INSC: variants seen among roughly 807,000 people sequenced by gnomAD.
INSC encodes INSC spindle orientation adaptor protein, also known as protein inscuteable homolog.
INSC carries 67 observed loss-of-function variants against 58.6 expected under a neutral mutation model. That is an observed-to-expected ratio of 1.14 (90% CI 0.94 to 1.40). The LOEUF is 1.40. Among genes scored for constraint, INSC ranks in the 40% most tolerant of loss-of-function variants. The pLI is 0.00. For synonymous variants in INSC, 262 were observed against 276.1 expected (o/e 0.95, Z 0.51); for missense variants, 714 against 692.0 (o/e 1.03, Z -0.36).
chr11:15,210,430 T>C (rs987066413), intron 7 of INSC, among the ~76,000 whole-genome samples: 3 of 151,680 alleles, frequency 2.0e-5, no homozygotes, highest in African/African-American at 7.3e-5. Flanking sequence ...GTTGAGTGGG[T>C]GGTGTTCTTC....
the INSC span, among the ~76,000 whole-genome samples, chr11:15,254,920 A>T: frequency 6.6e-6 from 1 of 152,192 alleles, no homozygotes; most frequent in Non-Finnish European, 1.5e-5. Flanking sequence ...AAGAAATAAC[A>T]CGTACTATTA....
At chr11:15,116,150 C>T (rs932426719) in intron 1 of INSC, among the ~76,000 whole-genome samples, 3 of 152,180 alleles carry the variant, frequency 2.0e-5, no homozygotes, top group African/African-American at 7.2e-5. Context: ...ACTGTTCGCC[C>T]TTTTAGAAGT....
chr11:15,112,591 A>AGT (rs375142839), upstream of INSC: 1,551 of 367,118 alleles, frequency 4.2e-3, 7 homozygotes, highest in African/African-American at 0.011. Context: ...GGTGGATGTG[A>AGT]GTGTGTGTGT....
chr11:15,147,985 T>G (rs1781464725), intron 1 of INSC, among the ~76,000 whole-genome samples: 2 of 152,222 alleles, frequency 1.3e-5, no homozygotes, highest in African/African-American at 4.8e-5. Flanking sequence ...GGCTTATTCA[T>G]GGGCTTGGGG....
intron 5 of INSC, among the ~76,000 whole-genome samples, chr11:15,182,666 T>C (rs1239443061): frequency 6.6e-6 from 1 of 152,242 alleles, no homozygotes; most frequent in Non-Finnish European, 1.5e-5. Flanking sequence ...GATTTGGGCT[T>C]CTTGAAGTGA....
chr11:15,265,501 T>A, the INSC span, among the ~76,000 whole-genome samples: 1 of 152,000 alleles, frequency 6.6e-6, no homozygotes, highest in East Asian at 1.9e-4. Context: ...TCACCTTTTT[T>A]TTTTCTAGAG....
intron 9 of INSC, among the ~76,000 whole-genome samples, chr11:15,231,464 C>A (rs2133960069): frequency 6.6e-6 from 1 of 152,278 alleles, no homozygotes; most frequent in South Asian, 2.1e-4. Context: ...TGTGTTGGGC[C>A]ACATTCAAAG....
intron 2 of INSC, among the ~76,000 whole-genome samples, chr11:15,159,619 G>GT (rs1158852158): frequency 6.6e-6 from 1 of 152,220 alleles, no homozygotes; most frequent in Non-Finnish European, 1.5e-5. Context: ...GCCTAAAGCA[G>GT]TTTAACATAA....
chr11:15,226,673 C>T (rs1277566685), intron 9 of INSC, among the ~76,000 whole-genome samples: 1 of 152,178 alleles, frequency 6.6e-6, no homozygotes, highest in Non-Finnish European at 1.5e-5. Flanking sequence ...CTCTTCCAGG[C>T]TTATCTCTTA....
intron 1 of INSC, among the ~76,000 whole-genome samples, chr11:15,143,196 C>T (rs1440512162): frequency 6.6e-6 from 1 of 152,260 alleles, no homozygotes; most frequent in Non-Finnish European, 1.5e-5. Flanking sequence ...TTATTAAGCC[C>T]CTAATGTTAC....
chr11:15,199,202 T>C (rs1850484512), intron 6 of INSC, among the ~76,000 whole-genome samples: 1 of 152,238 alleles, frequency 6.6e-6, no homozygotes, highest in South Asian at 2.1e-4. Flanking sequence ...ATTAACATTT[T>C]TGAATGCACG....
At chr11:15,117,220 G>A (rs1434578885) in intron 1 of INSC, among the ~76,000 whole-genome samples, 3 of 151,936 alleles carry the variant, frequency 2.0e-5, no homozygotes, top group Non-Finnish European at 4.4e-5. Flanking sequence ...GGGATAACAG[G>A]TGTGAGCCAC....
At chr11:15,210,672 G>C (rs1388753669) in intron 7 of INSC, among the ~76,000 whole-genome samples, 2 of 152,062 alleles carry the variant, frequency 1.3e-5, no homozygotes, top group African/African-American at 4.8e-5. Flanking sequence ...CTGTTGCTGG[G>C]GAGAAGGGAG....
chr11:15,228,546 C>T (rs1851728257), intron 9 of INSC, among the ~76,000 whole-genome samples: 1 of 152,182 alleles, frequency 6.6e-6, no homozygotes, highest in Admixed American at 6.5e-5. Flanking sequence ...TGGCTCTTTC[C>T]TGTTGCAGTG....
chr11:15,144,419 TG>T (rs1447797214), intron 1 of INSC, among the ~76,000 whole-genome samples: 1 of 152,212 alleles, frequency 6.6e-6, no homozygotes, highest in African/African-American at 2.4e-5. Flanking sequence ...TTCATAATGA[TG>T]GGCTGACAGG....
At chr11:15,124,391 T>C (rs949701888) in intron 1 of INSC, among the ~76,000 whole-genome samples, 4 of 152,150 alleles carry the variant, frequency 2.6e-5, no homozygotes, top group Admixed American at 6.5e-5. Context: ...CCCTCTTTCA[T>C]TGGTGATGAG....
chr11:15,259,846 A>G, the INSC span, among the ~76,000 whole-genome samples: 1 of 152,324 alleles, frequency 6.6e-6, no homozygotes, highest in Admixed American at 6.5e-5. Flanking sequence ...ACATCTGATT[A>G]TAATTGCTGG....
intron 6 of INSC, among the ~76,000 whole-genome samples, chr11:15,192,572 T>C (rs1215215270): frequency 6.6e-6 from 1 of 152,142 alleles, no homozygotes; most frequent in Non-Finnish European, 1.5e-5. Flanking sequence ...CTGCACAAAG[T>C]GGGTACTCAA....
intron 10 of INSC, among the ~76,000 whole-genome samples, chr11:15,237,300 G>A (rs1006045560): frequency 3.3e-5 from 5 of 152,176 alleles, no homozygotes; most frequent in African/African-American, 4.8e-5. Flanking sequence ...TGGTGGTTGA[G>A]GTTGAAAACT....
Sources: allele counts gnomAD v4.1 joint callset (sites outside exome capture counted in the v4.1 genomes callset), GRCh38; gene constraint gnomAD v4.1.1; transcripts MANE v1.5; gene names NCBI Gene and HGNC (gene_info 2026-07-23, HGNC 2026-07-21).